Variants in KCNIP4 observed in about 807,000 individuals in gnomAD.
KCNIP4 encodes the protein Kv channel-interacting protein 4.
A neutral mutation model predicts 34.0 loss-of-function variants in KCNIP4; 12 were observed. The observed-to-expected ratio is 0.35, with a 90% CI of 0.23 to 0.57. The LOEUF is 0.57. Among genes scored for constraint, KCNIP4 ranks in the 20% least tolerant of loss-of-function variants. The pLI is 0.83. For synonymous variants in KCNIP4, 124 were observed against 102.2 expected (o/e 1.21, Z -1.29); for missense variants, 238 against 311.7 (o/e 0.76, Z 1.78).
chr4:21,844,366 G>A (rs1723877020), intron 1 of KCNIP4: 1 of 152,004 alleles, frequency 6.6e-6, no homozygotes, highest in Non-Finnish European at 1.5e-5. Context: ...TAATACATGG[G>A]TAGAATTTAT....
intron 1 of KCNIP4, among the ~76,000 whole-genome samples, chr4:21,765,238 C>T (rs1482632820): frequency 6.6e-6 from 1 of 151,662 alleles, no homozygotes; most frequent in East Asian, 1.9e-4. Flanking sequence ...TTACTGCAAC[C>T]TCGACCTCCG....
At chr4:21,795,424 CAAAGGG>C (rs1720558839) in intron 1 of KCNIP4, among the ~76,000 whole-genome samples, 1 of 152,106 alleles carries the variant, frequency 6.6e-6, no homozygotes, top group Non-Finnish European at 1.5e-5. Context: ...GTACAGTTCT[CAAAGGG>C]AAAGCTGCCT....
intron 1 of KCNIP4, among the ~76,000 whole-genome samples, chr4:21,442,307 T>A (rs938960168): frequency 1.3e-5 from 2 of 152,188 alleles, no homozygotes; most frequent in African/African-American, 2.4e-5. Context: ...CAAGCATCAG[T>A]GCCAAAAGCC....
intron 1 of KCNIP4, among the ~76,000 whole-genome samples, chr4:20,996,685 C>T (rs761352907): frequency 5.3e-5 from 8 of 152,186 alleles, no homozygotes; most frequent in Non-Finnish European, 1.2e-4. Context: ...GTTTTTGTCA[C>T]CACTCCCTGG....
In KCNIP4 at chr4:21,707,795, T is replaced by C. The variant is rs140562736; in HGVS notation, c.61+240776A>G. ...ATCCAGGACTTCAAAAAAGGAAAGG[T>C]TGAGGGGTCAGTATGGTTAGGGGAG... is the stretch of plus-strand genomic sequence containing the variant. On this transcript the variant is annotated intron_variant, in intron 1 of 8. Transcript: ENST00000382152. Among the ~76,000 whole-genome samples the C allele has an allele frequency of 7.3e-3, 1,110 of 152,066 alleles. 9 individuals carry two copies. Among genetic ancestry groups the C allele is most frequent in the African/African-American group, 0.024 (1,000 of 41,478 alleles).
rs1730637993 is a variant in KCNIP4, at chr4:21,948,643, C to A, written c.-12G>T. The A allele has an allele frequency of 6.2e-7, 1 of 1,611,396 alleles. No homozygotes were observed. The highest frequency in any genetic ancestry group is 1.7e-5 in the Admixed American group (1 of 59,792). ...CTCCTCACATTCATGTCTAGGGACG[C>A]AGGGTGCAGAAGCGAGACTCGAGAG... is the stretch of plus-strand genomic sequence containing the variant. On this transcript the variant is annotated 5_prime_UTR_variant, in exon 1 of 9. Coordinates refer to ENST00000382152, the MANE Select transcript of KCNIP4 (RefSeq NM_025221.6).
chr4:20,875,948 A>G (rs990396621), intron 2 of KCNIP4, among the ~76,000 whole-genome samples: 3 of 152,208 alleles, frequency 2.0e-5, no homozygotes, highest in African/African-American at 7.2e-5. Flanking sequence ...TTAGGAAATT[A>G]TGTTTTGCAG....
chr4:20,992,705 G>A (rs1293587391), intron 1 of KCNIP4, among the ~76,000 whole-genome samples: 1 of 151,962 alleles, frequency 6.6e-6, no homozygotes, highest in Non-Finnish European at 1.5e-5. Flanking sequence ...TTAGAGCCCT[G>A]AACATTCTCA....
intron 1 of KCNIP4, among the ~76,000 whole-genome samples, chr4:21,506,251 G>A (rs1358914519): frequency 6.6e-6 from 1 of 152,162 alleles, no homozygotes; most frequent in Non-Finnish European, 1.5e-5. Flanking sequence ...AGTTCAGAAT[G>A]TAGATGTTGA....
At position 21,373,112 on chromosome 4, in the gene KCNIP4, G is replaced by A. The variant is rs866741291; in HGVS notation, c.62-490403C>T. 2.0e-5 allele frequency among the ~76,000 whole-genome samples: 3 copies of A among 146,642 alleles called. No homozygotes were observed. In the South Asian group the frequency reaches 6.3e-4, roughly 31 times the overall value. ...AAATTTTCTAATGGTAAATAATCCT[G>A]TAAGAATATCTTTAGCCTGAGCAAC... On this transcript the variant is annotated intron_variant, in intron 1 of 8. Coordinates refer to ENST00000382152, the MANE Select transcript of KCNIP4 (RefSeq NM_025221.6).
intron 1 of KCNIP4, among the ~76,000 whole-genome samples, chr4:21,061,964 G>C (rs985413012): frequency 2.0e-5 from 3 of 152,130 alleles, no homozygotes; most frequent in Non-Finnish European, 4.4e-5. Context: ...CAAAGAGAGA[G>C]CCCTCAGAAG....
chr4:21,398,061 A>T (rs1437093006), intron 1 of KCNIP4, among the ~76,000 whole-genome samples: 1 of 152,206 alleles, frequency 6.6e-6, no homozygotes, highest in African/African-American at 2.4e-5. Context: ...TCACAAGTTC[A>T]TTATAGGTTT....
At chr4:21,421,151 A>G (rs1396332681) in intron 1 of KCNIP4, among the ~76,000 whole-genome samples, 1 of 152,276 alleles carries the variant, frequency 6.6e-6, no homozygotes, top group South Asian at 2.1e-4. Flanking sequence ...GTTGGTGAGG[A>G]TGTAGAGAAG....
chr4:21,452,181 G>T (rs1265615220), intron 1 of KCNIP4, among the ~76,000 whole-genome samples: 1 of 151,932 alleles, frequency 6.6e-6, no homozygotes, highest in Non-Finnish European at 1.5e-5. Context: ...TCAGAATTTA[G>T]AATTTTAAAA....
At chr4:21,909,521 T>C (rs1343748488) in intron 1 of KCNIP4, among the ~76,000 whole-genome samples, 1 of 152,134 alleles carries the variant, frequency 6.6e-6, no homozygotes, top group Non-Finnish European at 1.5e-5. Flanking sequence ...GTCTTCTTTC[T>C]AGGCTTAGAC....
At chr4:20,752,644 T>TA (rs1753853933) in intron 4 of KCNIP4, 1 of 152,198 alleles carries the variant, frequency 6.6e-6, no homozygotes, top group African/African-American at 2.4e-5. Context: ...AATTATGTCC[T>TA]AAAAATCAAT....
intron 1 of KCNIP4, among the ~76,000 whole-genome samples, chr4:21,770,221 G>A (rs1425538602): frequency 6.6e-6 from 1 of 152,036 alleles, no homozygotes; most frequent in African/African-American, 2.4e-5. Flanking sequence ...CGTGGTGTTT[G>A]GTTTTCCATT....
At chr4:21,622,279 A>G (rs1249622838) in intron 1 of KCNIP4, among the ~76,000 whole-genome samples, 1 of 152,130 alleles carries the variant, frequency 6.6e-6, no homozygotes, top group Admixed American at 6.6e-5. Context: ...GATCTCTGGG[A>G]CAAGAAAAAA....
intron 1 of KCNIP4, among the ~76,000 whole-genome samples, chr4:21,425,815 C>T (rs1035098051): frequency 4.0e-5 from 6 of 151,896 alleles, no homozygotes; most frequent in African/African-American, 1.5e-4. Flanking sequence ...TTTGGGAGGC[C>T]GAGGCAGTCA....
Sources: allele counts gnomAD v4.1 joint callset (sites outside exome capture counted in the v4.1 genomes callset), GRCh38; gene constraint gnomAD v4.1.1; transcripts MANE v1.5; gene names NCBI Gene and HGNC (gene_info 2026-07-23, HGNC 2026-07-21).